The following SNAP23 variants were observed in gnomAD, a reference collection of about 807,000 sequenced individuals.
The protein encoded by SNAP23 is synaptosome associated protein 23, also known as synaptosomal-associated protein 23.
Under a neutral mutation model 29.0 loss-of-function variants are expected in SNAP23, and 11 were observed. The ratio of observed to expected loss-of-function variants is 0.38; its 90% CI spans 0.24 to 0.63. The LOEUF is 0.63. SNAP23 is among the 20% of genes least tolerant of loss of function. SNAP23 has a pLI of 0.58. For missense variants in SNAP23, 220 were observed against 253.9 expected, an observed-to-expected ratio of 0.87 and a Z score of 0.91; for synonymous variants, 60 against 82.9, an observed-to-expected ratio of 0.72 and a Z score of 1.50.
At chr15:42,502,175 C>T (rs926364928) in intron 1 of SNAP23, among the ~76,000 whole-genome samples, 1 of 151,484 alleles carries the variant, frequency 6.6e-6, no homozygotes, top group African/African-American at 2.4e-5. Flanking sequence ...CTACAGGCGC[C>T]CACTACCACG....
intron 3 of SNAP23, 118 bp downstream of exon 3, chr15:42,513,114 A>T: frequency 1.2e-6 from 1 of 848,920 alleles, no homozygotes; most frequent in Non-Finnish European, 2.0e-6. Flanking sequence ...TTTGAAATTA[A>T]CAGTTGCTGA....
chr15:42,530,669 G>A (rs998900213), intron 7 of SNAP23, among the ~76,000 whole-genome samples: 1 of 152,174 alleles, frequency 6.6e-6, no homozygotes, highest in Non-Finnish European at 1.5e-5. Flanking sequence ...AGGATTGCTT[G>A]AGTGTAGGAG....
chr15:42,501,500 A>G (rs2057269959), intron 1 of SNAP23, among the ~76,000 whole-genome samples: 1 of 152,144 alleles, frequency 6.6e-6, no homozygotes. Context: ...GCTGAGCTCA[A>G]GTGATCCCCC....
intron 1 of SNAP23, among the ~76,000 whole-genome samples, chr15:42,499,572 A>C (rs1329791715): frequency 2.6e-5 from 4 of 152,218 alleles, no homozygotes; most frequent in Non-Finnish European, 5.9e-5. Context: ...GCCCACTTCC[A>C]AAGTGATAAT....
intron 1 of SNAP23, among the ~76,000 whole-genome samples, chr15:42,496,905 C>G (rs2057224060): frequency 6.6e-6 from 1 of 152,008 alleles, no homozygotes; most frequent in Admixed American, 6.6e-5. Context: ...GGGAAAAAGC[C>G]CCTTATAAAA....
chr15:42,521,629 C>G, intron 5 of SNAP23: 8 of 1,517,656 alleles, frequency 5.3e-6, no homozygotes, highest in Non-Finnish European at 7.1e-6. Flanking sequence ...ACATCAGAAG[C>G]CGGGCTCAGT....
rs879783014 is a variant in SNAP23, at chr15:42,521,882, A to G, written c.267-6380A>G. On this transcript the variant is annotated intron_variant, in intron 5 of 7. Coordinates refer to ENST00000249647, the MANE Select transcript of SNAP23 (RefSeq NM_003825.4). The stretch of plus-strand genomic sequence containing the variant: ...TAATTTATAATACCATCCTTTGACA[A>G]ATGTCTCTGATAACTAAGTTTTTGC... 3.5e-5 allele frequency: 14 copies of G among 395,322 alleles called. No homozygotes were observed. In the Admixed American group the frequency reaches 5.7e-4, roughly 16 times the overall value. The allele number at this position is 395,322 out of a possible 1,614,324, so 24.5% of individuals were successfully genotyped here.
intron 1 of SNAP23, 46 bp from the exon 2 acceptor site, chr15:42,511,787 C>A: frequency 8.4e-7 from 1 of 1,194,876 alleles, no homozygotes; most frequent in Non-Finnish European, 1.2e-6. Context: ...TTTTATATAT[C>A]CTTATTCTTA....
In SNAP23 at chr15:42,532,762, A is replaced by C. The variant is rs1403830230; in HGVS notation, c.*1284A>C. 1 of 152,654 alleles carries C rather than the reference A, an allele frequency of 6.6e-6. No individual in the cohort carries two copies. The highest frequency in any genetic ancestry group is 1.5e-5 in the Non-Finnish European group (1 of 68,028). 9.5% of individuals were successfully genotyped at this position (152,654 alleles called of 1,614,324 possible). ...TCAGGTAGAAAAATAGATTGCTTTG[A>C]GTTTTATGTAGCTTTAGACTTTAAA... On this transcript the variant is annotated 3_prime_UTR_variant, in exon 8 of 8. Coordinates refer to ENST00000249647, the MANE Select transcript of SNAP23 (RefSeq NM_003825.4).
At chr15:42,496,983 A>G (rs781433474) in intron 1 of SNAP23, among the ~76,000 whole-genome samples, 1 of 151,946 alleles carries the variant, frequency 6.6e-6, no homozygotes, top group Non-Finnish European at 1.5e-5. Context: ...CAGATTCGAG[A>G]TGAGATTATG....
At chr15:42,509,226 A>G (rs996037527) in intron 1 of SNAP23, among the ~76,000 whole-genome samples, 1 of 152,162 alleles carries the variant, frequency 6.6e-6, no homozygotes, top group Non-Finnish European at 1.5e-5. Flanking sequence ...TATGTATGAT[A>G]AAGCTTAAGA....
intron 1 of SNAP23, among the ~76,000 whole-genome samples, chr15:42,497,465 TC>T (rs2057230971): frequency 1.3e-5 from 2 of 152,066 alleles, no homozygotes; most frequent in African/African-American, 4.8e-5. Flanking sequence ...GGCCTCCGCC[TC>T]CCAAAGTGCT....
intron 4 of SNAP23, among the ~76,000 whole-genome samples, chr15:42,513,806 T>C (rs2057376852): frequency 6.6e-6 from 1 of 151,864 alleles, no homozygotes; most frequent in African/African-American, 2.4e-5. Flanking sequence ...GGAGTTTCGC[T>C]ATTTTTGTCT....
rs2057542466 is a variant in SNAP23, at chr15:42,529,646, C to G, written c.426-29C>G. 1.9e-6 allele frequency: 3 copies of G among 1,601,090 alleles called. No homozygotes were observed. In the East Asian group the frequency reaches 6.7e-5, roughly 36 times the overall value. On this transcript the variant is annotated intron_variant, in intron 6 of 7. Transcript: ENST00000249647. Reference sequence around the variant, plus strand: ...GACTTTTATTTAAATTCAACAAAACCTATGGAATTAACTGTCTTCTTGTGA... The same window carrying G: ...GACTTTTATTTAAATTCAACAAAACGTATGGAATTAACTGTCTTCTTGTGA...
intron 1 of SNAP23, among the ~76,000 whole-genome samples, chr15:42,501,248 TACAC>T (rs1022285673): frequency 1.3e-5 from 2 of 152,176 alleles, no homozygotes; most frequent in Non-Finnish European, 2.9e-5. Context: ...CCTCCATACA[TACAC>T]ACACACATTA....
intron 1 of SNAP23, among the ~76,000 whole-genome samples, chr15:42,498,680 T>G (rs1231785281): frequency 6.6e-6 from 1 of 152,260 alleles, no homozygotes; most frequent in African/African-American, 2.4e-5. Context: ...TACAGCTGGC[T>G]TAAATTTCTT....
At chr15:42,500,376 T>C (rs2057258816) in intron 1 of SNAP23, among the ~76,000 whole-genome samples, 1 of 151,280 alleles carries the variant, frequency 6.6e-6, no homozygotes, top group Non-Finnish European at 1.5e-5. Flanking sequence ...CAAGGACTGC[T>C]CTTTTCTTTT....
In SNAP23 at chr15:42,528,333, A is replaced by G. The variant is rs780053059; in HGVS notation, c.338A>G (p.Asn113Ser). Residue 113 changes from asparagine to serine, a missense_variant, in exon 6 of 8, where the codon AAT (asparagine) becomes AGT (serine). Physicochemically the swap from Asn to Ser is conservative, Grantham distance 46. Transcript: ENST00000249647. The stretch of plus-strand genomic sequence containing the variant: ...GATGGTGGAGAAAACTCACCTTGCA[A>G]TGTAGTATCTAAACAGCCAGGCCCG... ...WGDGGENSPCNVVSKQPGPVT... is the reference protein window; with the variant it reads ...WGDGGENSPCSVVSKQPGPVT... The G allele has an allele frequency of 1.1e-5, 17 of 1,614,140 alleles. No individual in the cohort carries two copies. The highest frequency in any genetic ancestry group is 1.4e-5 in the Non-Finnish European group (17 of 1,180,022).
At chr15:42,530,567 G>C (rs765211492) in intron 7 of SNAP23, among the ~76,000 whole-genome samples, 1 of 152,094 alleles carries the variant, frequency 6.6e-6, no homozygotes, top group Non-Finnish European at 1.5e-5. Context: ...TGAGACCAGA[G>C]CAAGACCTCG....
Sources: allele counts gnomAD v4.1 joint callset (sites outside exome capture counted in the v4.1 genomes callset), GRCh38; gene constraint gnomAD v4.1.1; transcripts MANE v1.5; gene names NCBI Gene and HGNC (gene_info 2026-07-23, HGNC 2026-07-21).